MYOCD: variants seen among roughly 807,000 people sequenced by gnomAD.
MYOCD encodes the protein myocardin.
MYOCD carries 32 observed loss-of-function variants against 96.1 expected under a neutral mutation model. That is an observed-to-expected ratio of 0.33 (90% CI 0.25 to 0.45). The LOEUF is 0.45. Ranked by LOEUF, MYOCD falls within the 20% of genes least tolerant of loss-of-function variation. MYOCD has a pLI of 1.00. For synonymous variants in MYOCD, 469 were observed against 469.0 expected, an observed-to-expected ratio of 1.00 and a Z score of 0.00; for missense variants, 1,133 against 1,200.6, an observed-to-expected ratio of 0.94 and a Z score of 0.83.
At chr17:12,712,519 A>G (rs558305937) in intron 2 of MYOCD, among the ~76,000 whole-genome samples, 1 of 152,286 alleles carries the variant, frequency 6.6e-6, no homozygotes, top group Admixed American at 6.5e-5. Flanking sequence ...TGCTGGAGGC[A>G]CGAGGTTACA....
At chr17:12,709,544 T>C (rs985093463) in intron 2 of MYOCD, among the ~76,000 whole-genome samples, 2 of 152,128 alleles carry the variant, frequency 1.3e-5, no homozygotes, top group African/African-American at 4.8e-5. Flanking sequence ...ATTTTCAAAC[T>C]CGGCATGAAA....
intron 5 of MYOCD, among the ~76,000 whole-genome samples, chr17:12,735,593 G>C (rs1470804919): frequency 6.6e-6 from 1 of 152,146 alleles, no homozygotes; most frequent in Non-Finnish European, 1.5e-5. Context: ...TCGTTGAATG[G>C]CTCTTTGGGA....
Position 12,716,985 on chromosome 17 carries a change from CAAAAAAAAAAAAAAAAAAAA to C in MYOCD, c.178-345_178-326del, listed in dbSNP as rs56992216. Among the ~76,000 whole-genome samples, 385 of 112,974 alleles carry C rather than the reference CAAAAAAAAAAAAAAAAAAAA, an allele frequency of 3.4e-3. 8 individuals carry two copies. The highest frequency in any genetic ancestry group is 0.016 in the African/African-American group (364 of 23,190). The allele number at this position is 112,974 out of a possible 152,430, so 74.1% of individuals were successfully genotyped here. On this transcript the variant is annotated intron_variant, in intron 3 of 13. Coordinates refer to ENST00000425538, the MANE Select transcript of MYOCD (RefSeq NM_001146312.3). ...AGCCTGGATGACAGAGATGCTGTCT[CAAAAAAAAAAAAAAAAAAAA>C]AAAAAAAAAAAAAAAGGCAATGGAA...
intron 5 of MYOCD, among the ~76,000 whole-genome samples, chr17:12,728,453 C>T (rs186301918): frequency 3.4e-4 from 51 of 152,210 alleles, no homozygotes; most frequent in Admixed American, 2.2e-3. Context: ...TGGGACTGGG[C>T]CAGTCTTCCC....
chr17:12,687,347 A>G (rs1226440458), intron 1 of MYOCD, among the ~76,000 whole-genome samples: 1 of 152,180 alleles, frequency 6.6e-6, no homozygotes, highest in Non-Finnish European at 1.5e-5. Flanking sequence ...AGAAAAAGAC[A>G]TGTGGGTTTA....
intron 1 of MYOCD, among the ~76,000 whole-genome samples, chr17:12,668,267 T>G (rs1909484463): frequency 6.6e-6 from 1 of 151,554 alleles, no homozygotes; most frequent in East Asian, 1.9e-4. Flanking sequence ...CTTCTCCTCC[T>G]TCTCTTTCAA....
intron 1 of MYOCD, among the ~76,000 whole-genome samples, chr17:12,674,094 TAA>T (rs1909872523): frequency 1.3e-5 from 2 of 152,220 alleles, no homozygotes; most frequent in Non-Finnish European, 2.9e-5. Flanking sequence ...TCATCTCATT[TAA>T]TCCTTACAAA....
intron 1 of MYOCD, among the ~76,000 whole-genome samples, chr17:12,686,991 A>G (rs903427320): frequency 1.1e-4 from 17 of 152,182 alleles, no homozygotes; most frequent in African/African-American, 3.9e-4. Context: ...AAAATCGTTC[A>G]TCTATTCCCA....
chr17:12,716,255 T>C (rs2031636946), intron 3 of MYOCD, among the ~76,000 whole-genome samples: 1 of 152,134 alleles, frequency 6.6e-6, no homozygotes, highest in African/African-American at 2.4e-5. Flanking sequence ...AGAGGAGGGA[T>C]CTGCAACTCT....
At position 12,764,723 on chromosome 17, in the gene MYOCD, C is replaced by T. The variant is rs1484858267; in HGVS notation, c.*1079C>T. 6.6e-6 allele frequency: 1 copy of T among 152,188 alleles called. No homozygotes were observed. Among genetic ancestry groups the T allele is most frequent in the Non-Finnish European group, 1.5e-5 (1 of 68,048 alleles). The allele number at this position is 152,188 out of a possible 1,614,324, so 9.4% of individuals were successfully genotyped here. A position where few individuals can be genotyped will look rare whatever the true frequency, so the allele number is the denominator to read the frequency against. On this transcript the variant is annotated 3_prime_UTR_variant, in exon 14 of 14. Coordinates refer to ENST00000425538, the MANE Select transcript of MYOCD (RefSeq NM_001146312.3). ...TTCAAGGTACCAATCCTTTCCTGTT[C>T]CTCGTTTGGCCATCTTTCTTTTTCT... is the stretch of plus-strand genomic sequence containing the variant.
chr17:12,671,493 G>A (rs1031572847), intron 1 of MYOCD, among the ~76,000 whole-genome samples: 5 of 152,164 alleles, frequency 3.3e-5, no homozygotes. Flanking sequence ...CAGTAGTTGT[G>A]TCCATGTGTT....
At chr17:12,682,166 C>A (rs1240133577) in intron 1 of MYOCD, among the ~76,000 whole-genome samples, 1 of 152,178 alleles carries the variant, frequency 6.6e-6, no homozygotes, top group African/African-American at 2.4e-5. Context: ...TTCTGTACCC[C>A]AAAGAGGAAC....
chr17:12,691,622 C>T (rs567771056), intron 1 of MYOCD, among the ~76,000 whole-genome samples: 1 of 152,010 alleles, frequency 6.6e-6, no homozygotes, highest in South Asian at 2.1e-4. Flanking sequence ...GTTCTAATGG[C>T]TTCTGATTCT....
intron 1 of MYOCD, among the ~76,000 whole-genome samples, chr17:12,684,090 C>G (rs2029958394): frequency 6.6e-6 from 1 of 152,144 alleles, no homozygotes; most frequent in African/African-American, 2.4e-5. Flanking sequence ...TCACATCTCT[C>G]TCTTTCTCTC....
intron 5 of MYOCD, among the ~76,000 whole-genome samples, chr17:12,733,219 A>G (rs1338517816): frequency 3.3e-5 from 5 of 150,748 alleles, no homozygotes; most frequent in South Asian, 4.3e-4. Flanking sequence ...TTGAGACAGG[A>G]GAATTACTTG....
At chr17:12,699,627 G>A (rs879352061) in intron 1 of MYOCD, among the ~76,000 whole-genome samples, 7 of 152,028 alleles carry the variant, frequency 4.6e-5, no homozygotes, top group Non-Finnish European at 1.0e-4. Flanking sequence ...TATGCTCATC[G>A]TTTTTTCAGA....
At chr17:12,731,044 C>T (rs1004006571) in intron 5 of MYOCD, among the ~76,000 whole-genome samples, 15 of 152,188 alleles carry the variant, frequency 9.9e-5, no homozygotes, top group South Asian at 2.1e-4. Flanking sequence ...GCCAGTCCTG[C>T]GAGCATAGCC....
intron 2 of MYOCD, among the ~76,000 whole-genome samples, chr17:12,715,244 C>T (rs78925337): frequency 6.6e-6 from 1 of 152,128 alleles, no homozygotes; most frequent in Admixed American, 6.5e-5. Flanking sequence ...CTATTTCCTC[C>T]GGAACTTGGA....
At position 12,684,155 on chromosome 17, in the gene MYOCD, C is replaced by T. The variant is rs1465047528; in HGVS notation, c.55+17912C>T. On this transcript the variant is annotated intron_variant, in intron 1 of 13. Coordinates refer to ENST00000425538, the MANE Select transcript of MYOCD (RefSeq NM_001146312.3). Reference sequence around the variant, plus strand: ...AATTTATTATCAAGACATAGCAATTCTTTTTTTTCCACTTGTTTCTCAAAT... The same window carrying T: ...AATTTATTATCAAGACATAGCAATTTTTTTTTTTCCACTTGTTTCTCAAAT... Among the ~76,000 whole-genome samples the T allele has an allele frequency of 5.3e-5, 8 of 152,046 alleles. No individual in the cohort carries two copies. The East Asian group carries it at 1.6e-3, about 29-fold the overall frequency.
Sources: allele counts gnomAD v4.1 joint callset (sites outside exome capture counted in the v4.1 genomes callset), GRCh38; gene constraint gnomAD v4.1.1; transcripts MANE v1.5; gene names NCBI Gene and HGNC (gene_info 2026-07-23, HGNC 2026-07-21).